Variants in BCAT1 observed in about 807,000 individuals in gnomAD.
BCAT1 encodes branched-chain-amino-acid aminotransferase, cytosolic.
Under a neutral mutation model 52.4 loss-of-function variants are expected in BCAT1, and 48 were observed. That is an observed-to-expected ratio of 0.92 (90% confidence interval 0.73 to 1.16). The LOEUF (loss-of-function observed/expected upper bound fraction) is 1.16. Among genes scored for constraint, BCAT1 ranks in the 50% most tolerant of loss-of-function variants. The pLI is 0.00. For missense variants in BCAT1, 451 were observed against 457.1 expected (o/e 0.99, Z 0.12); for synonymous variants, 167 against 161.3 (o/e 1.04, Z -0.27).
At chr12:24,936,734 CACACACAT>C (rs1943761812) in intron 1 of BCAT1, among the ~76,000 whole-genome samples, 1 of 151,340 alleles carries the variant, frequency 6.6e-6, no homozygotes, top group East Asian at 1.9e-4. Context: ...CACACACACA[CACACACAT>C]ACACACACAC....
At chr12:24,921,478 T>A (rs1030673105) in intron 1 of BCAT1, among the ~76,000 whole-genome samples, 1 of 152,174 alleles carries the variant, frequency 6.6e-6, no homozygotes, top group African/African-American at 2.4e-5. Flanking sequence ...GATTCATTTA[T>A]CTCTCTACTT....
At chr12:24,866,672 C>A (rs1427120974) in intron 5 of BCAT1, among the ~76,000 whole-genome samples, 1 of 152,212 alleles carries the variant, frequency 6.6e-6, no homozygotes, top group East Asian at 1.9e-4. Flanking sequence ...AGTCAGCACT[C>A]TGTGTCTAGC....
At chr12:24,947,167 C>CA (rs1943944097) in intron 1 of BCAT1, among the ~76,000 whole-genome samples, 4 of 141,152 alleles carry the variant, frequency 2.8e-5, no homozygotes, top group Non-Finnish European at 4.6e-5. Context: ...CGTCTTCCCT[C>CA]CACACACACA....
At chr12:24,825,675 G>T (rs536231921) in intron 10 of BCAT1, among the ~76,000 whole-genome samples, 5 of 151,728 alleles carry the variant, frequency 3.3e-5, no homozygotes, top group South Asian at 4.2e-4. Flanking sequence ...TTCTAATCAG[G>T]TCTCATGCCC....
intron 3 of BCAT1, among the ~76,000 whole-genome samples, chr12:24,884,803 T>G (rs1466892556): frequency 1.3e-5 from 2 of 152,194 alleles, no homozygotes; most frequent in Non-Finnish European, 2.9e-5. Flanking sequence ...TCAATTAATG[T>G]GATTCATTAT....
intron 5 of BCAT1, among the ~76,000 whole-genome samples, chr12:24,868,049 T>C (rs1354431463): frequency 2.0e-5 from 3 of 152,118 alleles, no homozygotes; most frequent in Admixed American, 6.5e-5. Flanking sequence ...TAGCATTTGT[T>C]ACAAAATTAC....
At chr12:24,876,278 AG>A (rs1432202692) in intron 5 of BCAT1, among the ~76,000 whole-genome samples, 111 of 143,792 alleles carry the variant, frequency 7.7e-4, no homozygotes, top group Middle Eastern at 7.5e-3. Context: ...AAAAAAAAAA[AG>A]AAAGAAAAGA....
At chr12:24,831,111 T>A (rs536435629) in intron 9 of BCAT1, among the ~76,000 whole-genome samples, 1 of 152,250 alleles carries the variant, frequency 6.6e-6, no homozygotes, top group Non-Finnish European at 1.5e-5. Flanking sequence ...CTCCTCCTCC[T>A]CCTCCTCCTC....
intron 5 of BCAT1, among the ~76,000 whole-genome samples, chr12:24,866,264 C>A (rs1350880362): frequency 3.3e-5 from 5 of 152,350 alleles, no homozygotes; most frequent in African/African-American, 1.2e-4. Flanking sequence ...GCAGTGCTGG[C>A]CCACCGGCGC....
chr12:24,931,440 T>C (rs1943674273), intron 1 of BCAT1, among the ~76,000 whole-genome samples: 2 of 151,896 alleles, frequency 1.3e-5, no homozygotes, highest in African/African-American at 4.8e-5. Flanking sequence ...ATCAAAGATA[T>C]AGGAAAGGAA....
At chr12:24,831,220 C>T (rs781320846) in intron 9 of BCAT1, among the ~76,000 whole-genome samples, 1 of 152,140 alleles carries the variant, frequency 6.6e-6, no homozygotes, top group Non-Finnish European at 1.5e-5. Context: ...CCATGATTTT[C>T]GTAACTTACT....
intron 1 of BCAT1, among the ~76,000 whole-genome samples, chr12:24,919,668 T>A (rs189992864): frequency 1.7e-4 from 26 of 152,350 alleles, no homozygotes; most frequent in Admixed American, 1.5e-3. Context: ...GCAGATTTAA[T>A]TCCAGCAATA....
intron 5 of BCAT1, among the ~76,000 whole-genome samples, chr12:24,875,727 A>T (rs1472421235): frequency 6.6e-6 from 1 of 152,154 alleles, no homozygotes; most frequent in Non-Finnish European, 1.5e-5. Context: ...AAAAGTTAAG[A>T]ATTCCCTAAT....
At chr12:24,936,608 C>G (rs1943757196) in intron 1 of BCAT1, among the ~76,000 whole-genome samples, 3 of 152,212 alleles carry the variant, frequency 2.0e-5, no homozygotes, top group Admixed American at 1.3e-4. Flanking sequence ...TCTGGAGGCT[C>G]TAGAGTGAGA....
At chr12:24,897,881 G>T (rs1185595342) in intron 2 of BCAT1, among the ~76,000 whole-genome samples, 1 of 151,874 alleles carries the variant, frequency 6.6e-6, no homozygotes, top group Non-Finnish European at 1.5e-5. Context: ...AGTAATATAC[G>T]ATTAGGTGGC....
intron 7 of BCAT1, among the ~76,000 whole-genome samples, chr12:24,837,039 AAAAG>A (rs1294661737): frequency 7.4e-6 from 1 of 134,784 alleles, no homozygotes; most frequent in Non-Finnish European, 1.7e-5. Flanking sequence ...AAAGAAAGAA[AAAAG>A]AAAAGAAAAG....
chr12:24,895,044 T>G (rs186589343), intron 2 of BCAT1, among the ~76,000 whole-genome samples: 1 of 152,232 alleles, frequency 6.6e-6, no homozygotes, highest in Admixed American at 6.5e-5. Context: ...GAATGAACAC[T>G]AAGATATAAA....
At chr12:24,824,268 TTCCCTCCC>T (rs1001701460) in intron 10 of BCAT1, among the ~76,000 whole-genome samples, 2 of 144,522 alleles carry the variant, frequency 1.4e-5, no homozygotes, top group African/African-American at 2.6e-5. Flanking sequence ...CCTTCCTTCA[TTCCCTCCC>T]TCCCTCCCTC....
chr12:24,884,535 G>A (rs1026629706), intron 3 of BCAT1, among the ~76,000 whole-genome samples: 5 of 152,178 alleles, frequency 3.3e-5, no homozygotes, highest in Non-Finnish European at 7.4e-5. Context: ...TGATGAGTAT[G>A]CTAATTAGCT....
Sources: allele counts gnomAD v4.1 joint callset (sites outside exome capture counted in the v4.1 genomes callset), GRCh38; gene constraint gnomAD v4.1.1; transcripts MANE v1.5; gene names NCBI Gene and HGNC (gene_info 2026-07-23, HGNC 2026-07-21).